The following TDRD1 variants were observed in gnomAD, a reference collection of about 807,000 sequenced individuals.
TDRD1 encodes the protein tudor domain containing 1, also known as tudor domain-containing protein 1.
TDRD1 carries 37 observed loss-of-function variants against 140.6 expected under a neutral mutation model. The ratio of observed to expected loss-of-function variants is 0.26; its 90% CI spans 0.20 to 0.35. The LOEUF (loss-of-function observed/expected upper bound fraction) is 0.35. TDRD1 is among the 10% of genes least tolerant of loss of function. TDRD1 has a pLI of 1.00. For synonymous variants in TDRD1, 506 were observed against 475.7 expected (o/e 1.06, Z -0.83); for missense variants, 1,243 against 1,393.0 (o/e 0.89, Z 1.71).
exon 6 of TDRD1, chr10:114,202,249 T>C (rs1471132936): frequency 4.4e-6 from 7 of 1,603,244 alleles, no homozygotes; most frequent in Non-Finnish European, 6.0e-6. Flanking sequence ...TTCCACAAAC[T>C]TGAAAATAAA....
intron 16 of TDRD1, among the ~76,000 whole-genome samples, chr10:114,215,446 T>A (rs2035760182): frequency 6.6e-6 from 1 of 152,134 alleles, no homozygotes; most frequent in African/African-American, 2.4e-5. Context: ...GGTATGTAAA[T>A]TTGCAGCTTC....
chr10:114,206,434 A>G (rs2035107067), intron 11 of TDRD1, 104 bp downstream of exon 11: 2 of 784,676 alleles, frequency 2.5e-6, no homozygotes, highest in Admixed American at 2.5e-5. Context: ...CTTGTTAACG[A>G]TAAACATCCT....
chr10:114,209,816 G>GT (rs1328936933), intron 11 of TDRD1, among the ~76,000 whole-genome samples: 1 of 152,092 alleles, frequency 6.6e-6, no homozygotes, highest in African/African-American at 2.4e-5. Context: ...ATATTTCTGT[G>GT]TTTAAAACAA....
Position 114,181,892 on chromosome 10 carries a change from A to C in TDRD1, c.-7+2476A>C, listed in dbSNP as rs183209038. Among the ~76,000 whole-genome samples, 694 of 152,112 alleles carry C rather than the reference A, an allele frequency of 4.6e-3. 2 individuals carry two copies. The highest frequency in any genetic ancestry group is 6.7e-3 in the Non-Finnish European group (454 of 67,992). On this transcript the variant is annotated intron_variant, in intron 1 of 25. Coordinates refer to ENST00000251864, the Ensembl canonical transcript of TDRD1. ...CCCTTAAAAGCCTATTCTGTATCCC[A>C]GTTGTGGTGGCTGCCTAAATCTATG... is the stretch of plus-strand genomic sequence containing the variant.
chr10:114,203,208 A>AGTTCTCTG, intron 7 of TDRD1, 32 bp downstream of exon 7: 2 of 1,547,682 alleles, frequency 1.3e-6, no homozygotes, highest in Non-Finnish European at 1.8e-6. Flanking sequence ...CCATAGACAC[A>AGTTCTCTG]GATCCAGAGA....
chr10:114,199,424 A>T, intron 4 of TDRD1, 107 bp downstream of exon 4: 1 of 1,377,318 alleles, frequency 7.3e-7, no homozygotes, highest in South Asian at 1.6e-5. Context: ...CAGTGTCCCC[A>T]TGCCACACAC....
In TDRD1 at chr10:114,231,764, T is replaced by G. The variant is rs2036770122; in HGVS notation, c.*247T>G. 8.6e-6 allele frequency: 4 copies of G among 466,894 alleles called. No individual in the cohort carries two copies. In the Admixed American group the frequency reaches 1.7e-4, roughly 20 times the overall value. The allele number at this position is 466,894 out of a possible 1,614,324, so 28.9% of individuals were successfully genotyped here. ...ACTGGCAAGGAATACATAGGGACTTTCTGCTATATATGTAACTTTTTATTA... is the reference window on the plus strand; with the variant it reads ...ACTGGCAAGGAATACATAGGGACTTGCTGCTATATATGTAACTTTTTATTA... On this transcript the variant is annotated 3_prime_UTR_variant, in exon 26 of 26. Transcript: ENST00000251864.
At chr10:114,222,840 G>T in intron 21 of TDRD1, 137 bp downstream of exon 21, 1 of 564,576 alleles carries the variant, frequency 1.8e-6, no homozygotes, top group South Asian at 2.6e-5. Context: ...GCAGTGTTGT[G>T]GATTTAATTC....
chr10:114,197,857 T>C (rs1173149028), intron 3 of TDRD1, among the ~76,000 whole-genome samples: 2 of 152,170 alleles, frequency 1.3e-5, no homozygotes, highest in South Asian at 2.1e-4. Context: ...GGGTTCGCCA[T>C]ATTGGCCAGG....
downstream of TDRD1, among the ~76,000 whole-genome samples, chr10:114,232,504 C>CTTTTTTTTTTTTTTTTTTTTTTTTT (rs140805425): frequency 1.2e-5 from 1 of 81,668 alleles, no homozygotes; most frequent in Non-Finnish European, 2.3e-5. Context: ...ACTTGAAAGA[C>CTTTTTTTTTTTTTTTTTTTTTTTTT]TTTTTTTTTT....
At position 114,204,907 on chromosome 10, in the gene TDRD1, T is replaced by C. The variant is rs1424060695; in HGVS notation, c.1297+14T>C. On this transcript the variant is annotated intron_variant, in intron 10 of 25. Coordinates refer to ENST00000251864, the Ensembl canonical transcript of TDRD1. ...TGCCAAATTCAGGTAAGATCTGTCT[T>C]TTTAAATTGAGTACTTAATAGGATA... 6.4e-7 allele frequency: 1 copy of C among 1,562,510 alleles called. No individual in the cohort carries two copies. Among genetic ancestry groups the C allele is most frequent in the African/African-American group, 1.4e-5 (1 of 72,176 alleles).
At chr10:114,199,967 A>G (rs925981271) in intron 4 of TDRD1, among the ~76,000 whole-genome samples, 1 of 152,212 alleles carries the variant, frequency 6.6e-6, no homozygotes, top group African/African-American at 2.4e-5. Context: ...GTGGGTGCAC[A>G]GGTAGACACA....
chr10:114,210,470 G>A, intron 11 of TDRD1, 111 bp from the exon 12 acceptor site: 1 of 1,079,588 alleles, frequency 9.3e-7, no homozygotes, highest in Non-Finnish European at 1.3e-6. Flanking sequence ...CATCTTCCAG[G>A]AACCTTGCAG....
chr10:114,231,463 A>G lies in TDRD1; in HGVS notation c.3539-23A>G, dbSNP rs749180677. 6.9e-6 allele frequency: 11 copies of G among 1,582,980 alleles called. No individual in the cohort carries two copies. The East Asian group carries it at 2.3e-4, about 33-fold the overall frequency. On this transcript the variant is annotated intron_variant, in intron 25 of 25. Coordinates refer to ENST00000251864, the Ensembl canonical transcript of TDRD1. ...GAGTTTTTGTGTAAGGCATAATGATAGTTGATTTTTTTTCTTTTTCAGAAA... is the reference window on the plus strand; with the variant it reads ...GAGTTTTTGTGTAAGGCATAATGATGGTTGATTTTTTTTCTTTTTCAGAAA...
intron 24 of TDRD1, 23 bp downstream of exon 24, chr10:114,227,979 G>A (rs1462167097): frequency 2.5e-6 from 4 of 1,612,988 alleles, no homozygotes; most frequent in Non-Finnish European, 3.4e-6. Flanking sequence ...TCCTTTAAGT[G>A]AAATTATACT....
chr10:114,214,068 G>T, exon 16 of TDRD1: 1 of 1,613,638 alleles, frequency 6.2e-7, no homozygotes, highest in Non-Finnish European at 8.5e-7. Flanking sequence ...TGGTCTGTGT[G>T]ATATATAGTC....
At chr10:114,178,368 G>A (rs1378484650), upstream of TDRD1, among the ~76,000 whole-genome samples, 1 of 152,160 alleles carries the variant, frequency 6.6e-6, no homozygotes, top group Non-Finnish European at 1.5e-5. Flanking sequence ...GGTGGTAGAG[G>A]TTCTGCCCAG....
At chr10:114,221,416 G>A in exon 20 of TDRD1, 1 of 1,613,068 alleles carries the variant, frequency 6.2e-7, no homozygotes, top group African/African-American at 1.3e-5. Flanking sequence ...AACTATACAA[G>A]CAAATGTATT....
chr10:114,226,269 T>C (rs1284969614), intron 22 of TDRD1, 53 bp downstream of exon 22: 2 of 1,288,802 alleles, frequency 1.6e-6, no homozygotes, highest in Non-Finnish European at 2.2e-6. Flanking sequence ...TTTTTTTTCC[T>C]CTTTATGTTT....
Sources: gnomAD v4.1 joint callset for allele counts (sites outside exome capture counted in the v4.1 genomes callset) on GRCh38, gnomAD v4.1.1 for gene constraint, MANE v1.5 for transcripts, NCBI Gene and HGNC (gene_info 2026-07-23, HGNC 2026-07-21) for gene names.